ELMO2: variants seen among roughly 807,000 people sequenced by gnomAD.
The protein encoded by ELMO2 is engulfment and cell motility 2.
ELMO2 carries 37 observed loss-of-function variants against 96.2 expected under a neutral mutation model. The observed-to-expected ratio is 0.38, with a 90% confidence interval of 0.30 to 0.51. ELMO2 has a LOEUF of 0.51. ELMO2 is among the 20% of genes least tolerant of loss of function. ELMO2 has a pLI of 0.88. For missense variants in ELMO2, 561 were observed against 912.6 expected, an observed-to-expected ratio of 0.61 and a Z score of 4.96; for synonymous variants, 315 against 329.4, an observed-to-expected ratio of 0.96 and a Z score of 0.47.
Position 46,375,505 on chromosome 20 carries a change from C to A in ELMO2, c.931-135G>T. 6.8e-7 allele frequency: 1 copy of A among 1,481,396 alleles called. No homozygotes were observed. Among genetic ancestry groups the A allele is most frequent in the South Asian group, 1.3e-5 (1 of 77,472 alleles). The allele number at this position is 1,481,396 out of a possible 1,614,324, so 91.8% of individuals were successfully genotyped here. ...TTAGGAGGCATCACCTCTACCACAG[C>A]AGGACAGAAATGGGCTTGGCTCATG... On this transcript the variant is annotated intron_variant, in intron 12 of 21. Transcript: ENST00000290246. This position sits in a 1 kb window ranked among gnomAD's most constrained non-coding sequence, Gnocchi z 4.6.
intron 8 of ELMO2, among the ~76,000 whole-genome samples, chr20:46,387,120 T>C (rs2060060008): frequency 6.6e-6 from 1 of 152,176 alleles, no homozygotes; most frequent in African/African-American, 2.4e-5. Flanking sequence ...CATATTTAGT[T>C]CTGACGGTCC....
chr20:46,393,605 T>A lies in ELMO2; in HGVS notation c.120-4A>T. ...CTCTGGGTTTGGCAACGACCACCTA[T>A]GCAAGAGAAAAACAGTATATCCCAC... On this transcript the variant is annotated splice_polypyrimidine_tract_variant and splice_region_variant and intron_variant, in intron 4 of 21. Coordinates refer to ENST00000290246, the MANE Select transcript of ELMO2 (RefSeq NM_133171.5). The A allele has an allele frequency of 2.5e-6, 4 of 1,613,400 alleles. 1 individual carries two copies. The highest frequency in any genetic ancestry group is 1.7e-6 in the Non-Finnish European group (2 of 1,179,990).
intron 4 of ELMO2, among the ~76,000 whole-genome samples, 185 bp from the exon 5 acceptor site, chr20:46,393,786 A>G (rs1435910375): frequency 6.6e-6 from 1 of 152,202 alleles, no homozygotes; most frequent in Non-Finnish European, 1.5e-5. Flanking sequence ...TGAGCACCAC[A>G]ATAGGAGGTG....
rs1232954073 is a variant in ELMO2, at chr20:46,375,704, T to C, written c.894A>G (p.Glu298=). 1.1e-5 allele frequency: 18 copies of C among 1,614,146 alleles called. No individual in the cohort carries two copies. The highest frequency in any genetic ancestry group is 1.4e-5 in the Non-Finnish European group (17 of 1,179,980). Residue 298 remains glutamate, a synonymous_variant, in exon 12 of 22, where the codon GAA becomes GAG. Coordinates refer to ENST00000290246, the MANE Select transcript of ELMO2 (RefSeq NM_133171.5). This position sits in a 1 kb window ranked among gnomAD's most constrained non-coding sequence, Gnocchi z 4.6. ...VLQVLTFNLL[E]ERMMTKMDPN... is the part of the protein sequence containing the mutation. ...GGTCCATCTTGGTCATCATCCTTTC[T>C]TCCAGAAGGTTAAAGGTTAGGACTT... is the stretch of plus-strand genomic sequence containing the variant.
intron 1 of ELMO2, among the ~76,000 whole-genome samples, chr20:46,402,001 C>T (rs776933990): frequency 2.6e-5 from 4 of 152,132 alleles, no homozygotes; most frequent in Admixed American, 2.6e-4. Context: ...GAGCCCAGAC[C>T]CACCCAATCA....
chr20:46,375,429 G>C lies in ELMO2; in HGVS notation c.931-59C>G, dbSNP rs2059838936. On this transcript the variant is annotated intron_variant, in intron 12 of 21. Transcript: ENST00000290246. This position sits in a 1 kb window ranked among gnomAD's most constrained non-coding sequence, Gnocchi z 4.6. ...CGGCTAACCAAGGGAGCAAGGAAAA[G>C]AAACAGTGGGTCAGGCTTTTCTGGG... The C allele has an allele frequency of 6.9e-6, 11 of 1,596,032 alleles. No homozygotes were observed. Among genetic ancestry groups the C allele is most frequent in the South Asian group, 1.1e-5 (1 of 89,142 alleles).
At chr20:46,402,865 C>T (rs6062988) in intron 1 of ELMO2, among the ~76,000 whole-genome samples, 2 of 152,334 alleles carry the variant, frequency 1.3e-5, no homozygotes, top group Middle Eastern at 3.4e-3. Context: ...TGATCTACAT[C>T]GGGGGCTGGA....
At chr20:46,379,938 A>G in intron 11 of ELMO2, 1 of 235,204 alleles carries the variant, frequency 4.3e-6, no homozygotes, top group Non-Finnish European at 8.5e-6. Flanking sequence ...TGGATGAGTT[A>G]TTTTCCCCCT....
intron 11 of ELMO2, among the ~76,000 whole-genome samples, chr20:46,378,505 A>G (rs1005147339): frequency 6.6e-6 from 1 of 152,244 alleles, no homozygotes. Context: ...ACAGCTGCTC[A>G]GGAGTGTAGG....
chr20:46,375,175 G>A lies in ELMO2; in HGVS notation c.1065+61C>T, dbSNP rs950394748. ...TGGTTGTCAGAGCTCTGTCTGGGTG[G>A]GACCATTGACTTCCCATCAGGGGAG... On this transcript the variant is annotated intron_variant, in intron 13 of 21. Transcript: ENST00000290246. The surrounding 1 kb of genome is among the most constrained non-coding windows in gnomAD (Gnocchi z 4.6). 6.3e-7 allele frequency: 1 copy of A among 1,578,354 alleles called. No individual in the cohort carries two copies. Among genetic ancestry groups the A allele is most frequent in the African/African-American group, 1.3e-5 (1 of 74,604 alleles).
At position 46,367,410 on chromosome 20, in the gene ELMO2, G is replaced by C. The variant is rs141818894; in HGVS notation, c.2113C>G (p.Pro705Ala). The change falls in exon 22 of 22, where the codon CCC (proline) becomes GCC (alanine). Residue 705 changes from proline (P) to alanine (A), a missense_variant. Physicochemically the swap from Pro to Ala is conservative, Grantham distance 27. Transcript: ENST00000290246. ...TAGCTGCTGGGCTCCTTGGGGATGG[G>C]GGGTGGGGCTTCGGGAATCTGGATG... ...ENIQIPEAPP[P>A]IPKEPSSYDF... is the part of the protein sequence containing the mutation. 6.2e-7 allele frequency: 1 copy of C among 1,610,236 alleles called. No homozygotes were observed. Among genetic ancestry groups the C allele is most frequent in the Non-Finnish European group, 8.5e-7 (1 of 1,178,502 alleles).
At chr20:46,398,160 T>A (rs533709330) in intron 2 of ELMO2, among the ~76,000 whole-genome samples, 1 of 152,238 alleles carries the variant, frequency 6.6e-6, no homozygotes, top group African/African-American at 2.4e-5. Flanking sequence ...AAGCACTTAA[T>A]TAACAATGGC....
At chr20:46,374,732 T>TGAGTGGTAGCAGCATCAAGA in intron 13 of ELMO2, 92 bp from the exon 14 acceptor site, 1 of 1,088,264 alleles carries the variant, frequency 9.2e-7, no homozygotes, top group Non-Finnish European at 1.4e-6. Flanking sequence ...CTCTTGATGC[T>TGAGTGGTAGCAGCATCAAGA]GCTACCACTC....
At chr20:46,378,674 C>T (rs1226953331) in intron 11 of ELMO2, among the ~76,000 whole-genome samples, 1 of 152,222 alleles carries the variant, frequency 6.6e-6, no homozygotes, top group Non-Finnish European at 1.5e-5. Context: ...CAGCTGACTG[C>T]TCAGCTTCAC....
intron 1 of ELMO2, among the ~76,000 whole-genome samples, chr20:46,401,574 G>C (rs919709137): frequency 2.0e-5 from 3 of 152,146 alleles, no homozygotes; most frequent in African/African-American, 4.8e-5. Flanking sequence ...TATACTTAAA[G>C]AATAGTGCTT....
rs1352515223 is a variant in ELMO2, at chr20:46,366,244, G to A, written c.*1116C>T. On this transcript the variant is annotated 3_prime_UTR_variant, in exon 22 of 22. Coordinates refer to ENST00000290246, the MANE Select transcript of ELMO2 (RefSeq NM_133171.5). Reference sequence around the variant, plus strand: ...TATATATACACGTCTGTATAAGTATGGCCTATAGTAATGAAAATATATAGT... The same window carrying A: ...TATATATACACGTCTGTATAAGTATAGCCTATAGTAATGAAAATATATAGT... 1 of 152,532 alleles carries A rather than the reference G, an allele frequency of 6.6e-6. No individual in the cohort carries two copies. Among genetic ancestry groups the A allele is most frequent in the Non-Finnish European group, 1.5e-5 (1 of 68,026 alleles). The allele number at this position is 152,532 out of a possible 1,614,324, so 9.4% of individuals were successfully genotyped here.
intron 1 of ELMO2, among the ~76,000 whole-genome samples, chr20:46,405,350 G>C (rs1263391882): frequency 2.0e-5 from 3 of 152,164 alleles, no homozygotes; most frequent in Admixed American, 1.3e-4. Flanking sequence ...AGCCAGGGGA[G>C]GAAGAGCAGA....
chr20:46,404,683 G>A (rs2060395859), intron 1 of ELMO2, among the ~76,000 whole-genome samples: 1 of 152,154 alleles, frequency 6.6e-6, no homozygotes, highest in East Asian at 1.9e-4. Context: ...AGTGGCACAG[G>A]CTGCCCTCTG....
intron 6 of ELMO2, among the ~76,000 whole-genome samples, chr20:46,390,456 C>G (rs1418195104): frequency 6.6e-6 from 1 of 152,198 alleles, no homozygotes; most frequent in Non-Finnish European, 1.5e-5. Flanking sequence ...ATCAAGGAGC[C>G]AGAAACAATT....
Sources: gnomAD v4.1 joint callset for allele counts (sites outside exome capture counted in the v4.1 genomes callset) on GRCh38, gnomAD v4.1.1 for gene constraint, Gnocchi (gnomAD v3.1) non-coding constraint, MANE v1.5 for transcripts, NCBI Gene and HGNC (gene_info 2026-07-23, HGNC 2026-07-21) for gene names.